HHIPL1: variants seen among roughly 807,000 people sequenced by gnomAD.
HHIPL1 encodes HHIP-like protein 1.
Under a neutral mutation model 61.8 loss-of-function variants are expected in HHIPL1, and 43 were observed. The ratio of observed to expected loss-of-function variants is 0.70; its 90% confidence interval spans 0.55 to 0.90. The LOEUF is 0.90. HHIPL1 is among the 40% of genes least tolerant of loss of function. The pLI, the probability that HHIPL1 is intolerant of heterozygous loss-of-function variation, is 0.00. For synonymous variants in HHIPL1, 482 were observed against 515.8 expected, an observed-to-expected ratio of 0.93 and a Z score of 0.89; for missense variants, 1,056 against 1,157.7, an observed-to-expected ratio of 0.91 and a Z score of 1.28.
chr14:99,610,228 T>G, the HHIPL1 span, among the ~76,000 whole-genome samples: 1 of 152,208 alleles, frequency 6.6e-6, no homozygotes, highest in Non-Finnish European at 1.5e-5. Context: ...AGCTGGCTAT[T>G]GCCTCAATGC....
At chr14:99,630,282 G>A in the HHIPL1 span, among the ~76,000 whole-genome samples, 3 of 152,342 alleles carry the variant, frequency 2.0e-5, no homozygotes, top group South Asian at 2.1e-4. Context: ...GCAGGCGGTG[G>A]TTAATAACAA....
intron 3 of HHIPL1, among the ~76,000 whole-genome samples, chr14:99,658,285 C>A (rs995596912): frequency 2.0e-5 from 3 of 152,164 alleles, no homozygotes; most frequent in Admixed American, 2.0e-4. Context: ...GTTGTGCCCA[C>A]TTAGATATCG....
In HHIPL1 at chr14:99,676,758, C is replaced by A. The variant is rs907176869; in HGVS notation, c.*1132C>A. 2.0e-5 allele frequency: 3 copies of A among 152,262 alleles called. No homozygotes were observed. Among genetic ancestry groups the A allele is most frequent in the African/African-American group, 7.2e-5 (3 of 41,456 alleles). 9.4% of individuals were successfully genotyped at this position (152,262 alleles called of 1,614,324 possible). ...AAGGGGTGAGGCCTCCCGCTTCCCA[C>A]CTGCATCACAGGTGGAAGCTCCTTC... On this transcript the variant is annotated 3_prime_UTR_variant, in exon 9 of 9. Transcript: ENST00000330710.
chr14:99,634,912 CA>C, the HHIPL1 span, among the ~76,000 whole-genome samples: 1 of 152,176 alleles, frequency 6.6e-6, no homozygotes, highest in Non-Finnish European at 1.5e-5. Flanking sequence ...CAAACACACA[CA>C]GACTGGAGGG....
At chr14:99,607,781 G>GC in the HHIPL1 span, among the ~76,000 whole-genome samples, 69,698 of 151,808 alleles carry the variant, frequency 0.46, 18,708 homozygotes, top group African/African-American at 0.74. Flanking sequence ...TGAGTCTGAG[G>GC]CTTCATTTTG....
the HHIPL1 span, among the ~76,000 whole-genome samples, chr14:99,632,027 G>T: frequency 1.3e-5 from 2 of 152,202 alleles, no homozygotes; most frequent in South Asian, 4.1e-4. Context: ...TGGACATGGG[G>T]CAGGGCCAGT....
the HHIPL1 span, among the ~76,000 whole-genome samples, chr14:99,626,131 T>A: frequency 2.0e-5 from 3 of 151,572 alleles, no homozygotes; most frequent in Non-Finnish European, 4.4e-5. Context: ...TGAGAATGGG[T>A]GGCCTCTCAT....
the HHIPL1 span, among the ~76,000 whole-genome samples, chr14:99,636,455 T>G: frequency 1.3e-5 from 2 of 152,226 alleles, no homozygotes; most frequent in African/African-American, 4.8e-5. Context: ...TTCTGTTTTT[T>G]TCCTTTTCCA....
intron 5 of HHIPL1, among the ~76,000 whole-genome samples, chr14:99,661,421 A>AAGAAGGAAGGAAG (rs2056151167): frequency 1.4e-5 from 2 of 143,406 alleles, no homozygotes; most frequent in African/African-American, 5.3e-5. Flanking sequence ...GAGAGAGAAA[A>AAGAAGGAAGGAAG]GAAGGAAGGA....
the HHIPL1 span, among the ~76,000 whole-genome samples, chr14:99,627,252 C>A: frequency 4.6e-5 from 7 of 151,808 alleles, no homozygotes; most frequent in Admixed American, 6.6e-5. This position sits in a 1 kb window ranked among gnomAD's most constrained non-coding sequence, Gnocchi z 4.4. Context: ...ACCCACCTAC[C>A]TACCCATTCA....
At position 99,675,801 on chromosome 14, in the gene HHIPL1, A is replaced by C; in HGVS notation, c.*175A>C. 2 of 566,144 alleles carry C rather than the reference A, an allele frequency of 3.5e-6. No individual in the cohort carries two copies. Among genetic ancestry groups the C allele is most frequent in the Non-Finnish European group, 5.7e-6 (2 of 348,360 alleles). 35.1% of individuals were successfully genotyped at this position (566,144 alleles called of 1,614,324 possible). ...GTGCATGTGTGTCCTCTGCAGACCC[A>C]AGGCAGGAGTGTGTGTTGGGGGCGG... On this transcript the variant is annotated 3_prime_UTR_variant, in exon 9 of 9. Coordinates refer to ENST00000330710, the MANE Select transcript of HHIPL1 (RefSeq NM_001127258.3). The surrounding 1 kb of genome is among the most constrained non-coding windows in gnomAD (Gnocchi z 5.4).
Position 99,675,418 on chromosome 14 carries a change from G to T in HHIPL1, c.2141G>T (p.Arg714Leu). 6.5e-7 allele frequency: 1 copy of T among 1,531,222 alleles called. No homozygotes were observed. The allele number at this position is 1,531,222 out of a possible 1,614,324, so 94.9% of individuals were successfully genotyped here. A position where few individuals can be genotyped will look rare whatever the true frequency, so the allele number is the denominator to read the frequency against. Residue 714 changes from arginine to leucine, a missense_variant, in exon 9 of 9, where the codon CGC becomes CTC. By Grantham distance (102) the Arg-to-Leu change is moderately radical. Coordinates refer to ENST00000330710, the MANE Select transcript of HHIPL1 (RefSeq NM_001127258.3). This position sits in a 1 kb window ranked among gnomAD's most constrained non-coding sequence, Gnocchi z 5.4. The part of the protein sequence containing the change: ...WNISGAAVVC[R>L]QLGFAYAVRA... ...ATCAGCGGCGCCGCCGTCGTGTGTC[G>T]CCAGCTGGGGTTTGCCTACGCCGTG...
At chr14:99,626,412 C>T in the HHIPL1 span, among the ~76,000 whole-genome samples, 42 of 152,176 alleles carry the variant, frequency 2.8e-4, no homozygotes, top group Admixed American at 1.5e-3. Context: ...CCAGCCCGGA[C>T]TGTGGGAAAG....
chr14:99,637,814 G>A, the HHIPL1 span, among the ~76,000 whole-genome samples: 1 of 152,018 alleles, frequency 6.6e-6, no homozygotes, highest in African/African-American at 2.4e-5. Flanking sequence ...TCTTCCAATG[G>A]CCTCATTGAT....
In HHIPL1 at chr14:99,678,172, G is replaced by T. The variant is rs2056408757; in HGVS notation, c.*2546G>T. ...GCCACTGCTGATCTGGCAGGAGGCA[G>T]AGCTCAGGTGGGAATGCTTGCTCCC... On this transcript the variant is annotated 3_prime_UTR_variant, in exon 9 of 9. Transcript: ENST00000330710. 6.6e-6 allele frequency: 1 copy of T among 152,256 alleles called. No individual in the cohort carries two copies. The highest frequency in any genetic ancestry group is 1.5e-5 in the Non-Finnish European group (1 of 68,100). 9.4% of individuals were successfully genotyped at this position (152,256 alleles called of 1,614,324 possible).
chr14:99,605,135 G>C, the HHIPL1 span, among the ~76,000 whole-genome samples: 1 of 152,184 alleles, frequency 6.6e-6, no homozygotes, highest in Non-Finnish European at 1.5e-5. Flanking sequence ...CCGCTCACTC[G>C]ACCGCTAAAT....
At chr14:99,656,827 GA>G (rs1566809803) in intron 2 of HHIPL1, among the ~76,000 whole-genome samples, 172 bp from the exon 3 acceptor site, 1 of 4,030 alleles carries the variant, frequency 2.5e-4, no homozygotes, top group African/African-American at 3.4e-4. Flanking sequence ...AAGAAAGAAA[GA>G]AAGAAAGAAA....
intron 4 of HHIPL1, 80 bp downstream of exon 4, chr14:99,659,836 C>T (rs56204154): frequency 0.24 from 128,383 of 531,138 alleles, 18,157 homozygotes; most frequent in East Asian, 0.3. Flanking sequence ...GGGCCTCCCT[C>T]GGAGACCGCA....
In HHIPL1 at chr14:99,675,276, G is replaced by A. The variant is rs927547754; in HGVS notation, c.1999G>A (p.Ala667Thr). 29 of 1,257,790 alleles carry A rather than the reference G, an allele frequency of 2.3e-5. 1 individual carries two copies. In the Middle Eastern group the frequency reaches 1.5e-3, roughly 63 times the overall value. 77.9% of individuals were successfully genotyped at this position (1,257,790 alleles called of 1,614,324 possible). A position where few individuals can be genotyped will look rare whatever the true frequency, so the allele number is the denominator to read the frequency against. ...GGGGCGGCTGAACTCGGCGAGCCGG[G>A]CGTTCCGGGATGGCGAGGTGCGCCT... Reference protein sequence around the residue: ...RRGRLNSASRAFRDGEVRLVR... With the variant: ...RRGRLNSASRTFRDGEVRLVR... The change falls in exon 9 of 9, where the codon GCG (alanine) becomes ACG (threonine). Residue 667 changes from alanine (A) to threonine (T), a missense_variant. By Grantham distance (58) the Ala-to-Thr change is moderately conservative. Coordinates refer to ENST00000330710, the MANE Select transcript of HHIPL1 (RefSeq NM_001127258.3). This position sits in a 1 kb window ranked among gnomAD's most constrained non-coding sequence, Gnocchi z 5.4.
Sources: allele counts gnomAD v4.1 joint callset (sites outside exome capture counted in the v4.1 genomes callset), GRCh38; gene constraint gnomAD v4.1.1; non-coding constraint Gnocchi (gnomAD v3.1); transcripts MANE v1.5; gene names NCBI Gene and HGNC (gene_info 2026-07-23, HGNC 2026-07-21).